Variants in DOCK4 observed in about 807,000 individuals in gnomAD.
DOCK4 encodes the protein dedicator of cytokinesis protein 4.
In DOCK4, 97 loss-of-function variants were observed where a neutral mutation model predicts 268.1. That is an observed-to-expected ratio of 0.36 (90% CI 0.31 to 0.43). The LOEUF is 0.43. Ranked by LOEUF, DOCK4 falls within the 20% of genes least tolerant of loss-of-function variation. The pLI is 1.00. For synonymous variants in DOCK4, 954 were observed against 887.2 expected (o/e 1.08, Z -1.34); for missense variants, 2,145 against 2,455.7 (o/e 0.87, Z 2.67).
chr7:111,768,928 G>A (rs1244590167), intron 37 of DOCK4, among the ~76,000 whole-genome samples: 1 of 152,048 alleles, frequency 6.6e-6, no homozygotes, highest in Non-Finnish European at 1.5e-5. Flanking sequence ...TTAGGAAATG[G>A]GGTCTTTGGA....
At chr7:111,795,294 T>TAAAC (rs139322505) in intron 30 of DOCK4, among the ~76,000 whole-genome samples, 3,135 of 151,930 alleles carry the variant, frequency 0.021, 100 homozygotes, top group African/African-American at 0.067. Context: ...AGGACTTCTC[T>TAAAC]AAACAAACAA....
At position 111,782,182 on chromosome 7, in the gene DOCK4, A is replaced by G. The variant is rs556277290; in HGVS notation, c.3585+682T>C. Among the ~76,000 whole-genome samples the G allele has an allele frequency of 2.0e-5, 3 of 152,322 alleles. No homozygotes were observed. The East Asian group carries it at 5.8e-4, about 29-fold the overall frequency. On this transcript the variant is annotated intron_variant, in intron 35 of 52. Transcript: ENST00000428084. ...CACTCCTTTGCTCTGTGGTAAGAAT[A>G]CCATTCTATTTAATAGTTAGTTATG...
chr7:111,737,042 C>T, intron 49 of DOCK4, 53 bp from the exon 50 acceptor site: 2 of 1,502,462 alleles, frequency 1.3e-6, no homozygotes, highest in East Asian at 4.8e-5. Context: ...GCATGTGAAA[C>T]CTTTCAGAAA....
intron 1 of DOCK4, among the ~76,000 whole-genome samples, chr7:112,129,319 CAAAATT>C (rs1294257827): frequency 2.6e-5 from 4 of 152,070 alleles, no homozygotes; most frequent in African/African-American, 9.6e-5. Context: ...CTGGAAATGA[CAAAATT>C]AAAGAGATGG....
chr7:112,073,882 T>C (rs1807826741), intron 1 of DOCK4, among the ~76,000 whole-genome samples: 1 of 152,128 alleles, frequency 6.6e-6, no homozygotes, highest in Non-Finnish European at 1.5e-5. Context: ...TAATTTATTA[T>C]ATATTTTCAG....
intron 1 of DOCK4, chr7:112,023,733 T>C: frequency 2.8e-6 from 1 of 363,346 alleles, no homozygotes; most frequent in African/African-American, 2.1e-5. Flanking sequence ...GTGCATACCT[T>C]GTGCAGCATT....
intron 30 of DOCK4, among the ~76,000 whole-genome samples, chr7:111,792,758 G>A (rs1252216590): frequency 6.6e-6 from 1 of 152,100 alleles, no homozygotes; most frequent in Non-Finnish European, 1.5e-5. Flanking sequence ...GATGAGAGCT[G>A]GGAAAACATG....
In DOCK4 at chr7:111,728,538, T is replaced by TGGCACC. The variant is rs770697726; in HGVS notation, c.5658_5663dup (p.Val1893_Pro1894dup). 5.0e-6 allele frequency: 8 copies of TGGCACC among 1,613,496 alleles called. No homozygotes were observed. In the African/African-American group the frequency reaches 5.3e-5, roughly 11 times the overall value. On this transcript the variant is annotated inframe_insertion, in exon 53 of 53. Transcript: ENST00000428084. Reference sequence around the variant, plus strand: ...CGTAGCTCGGCACGGGCACCGGCACTGGCACCGGCAGGGGGGCCGACTGTT... The same window carrying TGGCACC: ...CGTAGCTCGGCACGGGCACCGGCACTGGCACCGGCACCGGCAGGGGGGCCGACTGTT...
At chr7:111,775,945 G>T (rs1003554194) in intron 36 of DOCK4, among the ~76,000 whole-genome samples, 3 of 152,162 alleles carry the variant, frequency 2.0e-5, no homozygotes, top group Admixed American at 1.3e-4. Flanking sequence ...GATCACAGAG[G>T]GGAGGGAGCT....
chr7:111,991,679 G>A (rs1347198547), intron 5 of DOCK4, among the ~76,000 whole-genome samples: 1 of 151,940 alleles, frequency 6.6e-6, no homozygotes, highest in Admixed American at 6.6e-5. Flanking sequence ...AAAGTGCCTG[G>A]CGCTGGGCGA....
chr7:111,985,417 G>C (rs553214847), intron 6 of DOCK4, among the ~76,000 whole-genome samples: 18 of 152,206 alleles, frequency 1.2e-4, no homozygotes, highest in African/African-American at 4.3e-4. Context: ...TTCTAACACA[G>C]AAGGCTTCTG....
rs143004189 is a variant in DOCK4, at chr7:111,926,870, AAAGGAAGG to A, written c.1066+8662_1066+8669del. Reference sequence around the variant, plus strand: ...GAAAGAGAAAAAGAGAGAGAGAGAGAAAGGAAGGAAGGAAGGAAGGAAGGAAAGAAGGA... The same window carrying A: ...GAAAGAGAAAAAGAGAGAGAGAGAGAAAGGAAGGAAGGAAGGAAAGAAGGA... On this transcript the variant is annotated intron_variant, in intron 12 of 52. Coordinates refer to ENST00000428084, the MANE Select transcript of DOCK4 (RefSeq NM_001363540.2). Among the ~76,000 whole-genome samples the A allele has an allele frequency of 2.4e-3, 355 of 150,012 alleles. 2 individuals carry two copies. Among genetic ancestry groups the A allele is most frequent in the Non-Finnish European group, 4.0e-3 (273 of 67,744 alleles).
chr7:112,106,059 T>C (rs1311713891), intron 1 of DOCK4, among the ~76,000 whole-genome samples: 1 of 152,226 alleles, frequency 6.6e-6, no homozygotes, highest in African/African-American at 2.4e-5. Context: ...AGATTCTGTT[T>C]GGCTGTTCCT....
At chr7:111,829,299 A>G (rs1204740679) in intron 26 of DOCK4, among the ~76,000 whole-genome samples, 2 of 152,200 alleles carry the variant, frequency 1.3e-5, no homozygotes, top group Non-Finnish European at 2.9e-5. Flanking sequence ...AAAGTTTATT[A>G]AAGTTTAGGG....
intron 39 of DOCK4, among the ~76,000 whole-genome samples, chr7:111,764,138 A>C (rs1158740369): frequency 6.6e-6 from 1 of 152,240 alleles, no homozygotes; most frequent in Non-Finnish European, 1.5e-5. Context: ...ACCCAAATGC[A>C]TGGTCATTTC....
intron 1 of DOCK4, among the ~76,000 whole-genome samples, chr7:112,166,193 A>G (rs1254333352): frequency 6.6e-6 from 1 of 152,240 alleles, no homozygotes; most frequent in East Asian, 1.9e-4. Context: ...GCATATTTTA[A>G]GTATGAAATA....
intron 1 of DOCK4, among the ~76,000 whole-genome samples, chr7:112,199,734 G>A (rs1820754082): frequency 6.6e-6 from 1 of 152,120 alleles, no homozygotes; most frequent in African/African-American, 2.4e-5. Context: ...CCTACAACTG[G>A]CAAAGTACCT....
chr7:111,903,053 C>T (rs1195686096), intron 13 of DOCK4, among the ~76,000 whole-genome samples: 3 of 152,160 alleles, frequency 2.0e-5, no homozygotes, highest in Non-Finnish European at 4.4e-5. Context: ...AAGAAAATCA[C>T]TAGAAAGAAA....
At chr7:111,894,952 A>G (rs1238491971) in intron 16 of DOCK4, among the ~76,000 whole-genome samples, 1 of 152,194 alleles carries the variant, frequency 6.6e-6, no homozygotes, top group African/African-American at 2.4e-5. Context: ...GGGCCTCACT[A>G]TTACACAGTT....
Sources: gnomAD v4.1 joint callset for allele counts (sites outside exome capture counted in the v4.1 genomes callset) on GRCh38, gnomAD v4.1.1 for gene constraint, MANE v1.5 for transcripts, NCBI Gene and HGNC (gene_info 2026-07-23, HGNC 2026-07-21) for gene names.